Variants in SDK2 observed in about 807,000 individuals in gnomAD.
The protein encoded by SDK2 is protein sidekick-2.
SDK2 carries 105 observed loss-of-function variants against 253.9 expected under a neutral mutation model. The observed-to-expected ratio is 0.41, with a 90% CI of 0.35 to 0.49. SDK2 has a LOEUF of 0.49. Among genes scored for constraint, SDK2 ranks in the 20% least tolerant of loss-of-function variants. The pLI is 0.06. For missense variants in SDK2, 2,608 were observed against 3,003.0 expected, an observed-to-expected ratio of 0.87 and a Z score of 3.07; for synonymous variants, 1,249 against 1,234.9, an observed-to-expected ratio of 1.01 and a Z score of -0.24.
intron 32 of SDK2, among the ~76,000 whole-genome samples, chr17:73,385,268 G>A (rs890363666): frequency 5.9e-5 from 9 of 152,226 alleles, no homozygotes; most frequent in African/African-American, 2.2e-4. Context: ...CCTGGTCGCT[G>A]AGGTTTGCCC....
chr17:73,497,961 T>C (rs1003450183), intron 2 of SDK2, among the ~76,000 whole-genome samples: 3 of 152,162 alleles, frequency 2.0e-5, no homozygotes, highest in Non-Finnish European at 4.4e-5. Context: ...ACCATTCCTT[T>C]GGCATCCCCC....
chr17:73,505,636 C>T (rs1333486140), intron 2 of SDK2, among the ~76,000 whole-genome samples: 1 of 150,498 alleles, frequency 6.6e-6, no homozygotes, highest in East Asian at 2.0e-4. Flanking sequence ...AGCTGGACCT[C>T]ATCATCATCA....
rs2046086014 is a variant in SDK2, at chr17:73,618,298, G to A, written c.64+25727C>T. Among the ~76,000 whole-genome samples the A allele has an allele frequency of 6.6e-6, 1 of 152,154 alleles. No individual in the cohort carries two copies. Among genetic ancestry groups the A allele is most frequent in the Admixed American group, 6.5e-5 (1 of 15,274 alleles). ...TTTTATGTTTTGCTTCTGGCTTGGG[G>A]CAGAAATGGCCGTTCATGCCAACTG... is the stretch of plus-strand genomic sequence containing the variant. On this transcript the variant is annotated intron_variant, in intron 1 of 44. Transcript: ENST00000392650. The surrounding 1 kb of genome is among the most constrained non-coding windows in gnomAD (Gnocchi z 4.1).
chr17:73,577,738 C>T (rs1003382181), intron 1 of SDK2, among the ~76,000 whole-genome samples: 3 of 152,166 alleles, frequency 2.0e-5, no homozygotes, highest in Non-Finnish European at 2.9e-5. Flanking sequence ...AGTTTCCTCA[C>T]GTGTAAAATA....
chr17:73,420,859 A>G (rs1475871582), intron 15 of SDK2, among the ~76,000 whole-genome samples: 2 of 151,524 alleles, frequency 1.3e-5, no homozygotes, highest in East Asian at 3.9e-4. Context: ...TATTTTTAGT[A>G]GAGATGGGGT....
chr17:73,442,979 T>C (rs955979755), intron 5 of SDK2, among the ~76,000 whole-genome samples: 1 of 152,102 alleles, frequency 6.6e-6, no homozygotes, highest in Non-Finnish European at 1.5e-5. Flanking sequence ...TCCAATATTC[T>C]GTGTATGCCT....
rs79125057 is a variant in SDK2 at position 73,382,404 on chromosome 17, C to T, written c.4706-1454G>A. Among the ~76,000 whole-genome samples, 771 of 152,224 alleles carry T rather than the reference C, an allele frequency of 5.1e-3. 7 individuals are homozygous for T. Among genetic ancestry groups the T allele is most frequent in the African/African-American group, 0.018 (749 of 41,538 alleles). ...TAGAGGATATTTAGGGAAGGAGGCT[C>T]TTTATAAAAATCTCTAGTGGTCTGA... On this transcript the variant is annotated intron_variant, in intron 33 of 44. Coordinates refer to ENST00000392650, the MANE Select transcript of SDK2 (RefSeq NM_001144952.2).
chr17:73,424,170 G>T, intron 12 of SDK2, 78 bp from the exon 13 acceptor site: 1 of 1,243,672 alleles, frequency 8.0e-7, no homozygotes, highest in East Asian at 2.5e-5. Flanking sequence ...AGCTTGTCCC[G>T]AGAAAATAGC....
At chr17:73,607,757 C>G (rs1175634093) in intron 1 of SDK2, among the ~76,000 whole-genome samples, 6 of 152,018 alleles carry the variant, frequency 3.9e-5, no homozygotes, top group Admixed American at 2.6e-4. Flanking sequence ...ATCTCGGGGA[C>G]CTCCTAAGCT....
intron 38 of SDK2, among the ~76,000 whole-genome samples, chr17:73,362,630 A>G (rs1319680653): frequency 6.6e-6 from 1 of 151,934 alleles, no homozygotes; most frequent in Non-Finnish European, 1.5e-5. Context: ...GCCTCAAGTG[A>G]TCCTCCCACC....
chr17:73,373,845 C>T (rs1390507918), intron 36 of SDK2, among the ~76,000 whole-genome samples: 2 of 151,562 alleles, frequency 1.3e-5, no homozygotes, highest in Non-Finnish European at 2.9e-5. Flanking sequence ...CCATGTTGGC[C>T]AGGCTGGTCT....
Position 73,467,933 on chromosome 17 carries a change from C to G in SDK2, c.331+4179G>C, listed in dbSNP as rs942926483. Among the ~76,000 whole-genome samples, 1 of 152,188 alleles carries G rather than the reference C, an allele frequency of 6.6e-6. No homozygotes were observed. The highest frequency in any genetic ancestry group is 1.5e-5 in the Non-Finnish European group (1 of 68,028). ...ACCTGGGTCTCTCTCTCTGCTCCCC[C>G]TTCAGCCACTCCAAGGTGTCCTATT... On this transcript the variant is annotated intron_variant, in intron 3 of 44. Coordinates refer to ENST00000392650, the MANE Select transcript of SDK2 (RefSeq NM_001144952.2). This position sits in a 1 kb window ranked among gnomAD's most constrained non-coding sequence, Gnocchi z 4.1.
intron 1 of SDK2, among the ~76,000 whole-genome samples, chr17:73,586,610 G>A (rs1431873579): frequency 6.6e-6 from 1 of 151,462 alleles, no homozygotes; most frequent in Non-Finnish European, 1.5e-5. Context: ...CAGGGGGTGG[G>A]TGGGTGGTCT....
At chr17:73,474,739 G>T (rs927650818) in intron 2 of SDK2, among the ~76,000 whole-genome samples, 1 of 152,176 alleles carries the variant, frequency 6.6e-6, no homozygotes, top group African/African-American at 2.4e-5. Context: ...CCACTGTGGG[G>T]GAACTGTCTG....
intron 1 of SDK2, among the ~76,000 whole-genome samples, chr17:73,640,482 T>C (rs1386746168): frequency 6.6e-6 from 1 of 151,926 alleles, no homozygotes; most frequent in Non-Finnish European, 1.5e-5. Context: ...AAGAGGGGCA[T>C]GGGAGAGCAG....
intron 2 of SDK2, among the ~76,000 whole-genome samples, chr17:73,484,761 C>T (rs2063759740): frequency 6.6e-6 from 1 of 152,242 alleles, no homozygotes; most frequent in African/African-American, 2.4e-5. Flanking sequence ...AGCCACATCA[C>T]TCCAATCTCT....
chr17:73,412,045 T>TAC (rs2063136491), intron 18 of SDK2, among the ~76,000 whole-genome samples: 2 of 4,872 alleles, frequency 4.1e-4, no homozygotes, highest in South Asian at 5.6e-3. Flanking sequence ...CGTATATATA[T>TAC]GTATATACGT....
intron 18 of SDK2, among the ~76,000 whole-genome samples, chr17:73,406,787 T>C (rs1388593138): frequency 1.3e-5 from 2 of 152,194 alleles, no homozygotes; most frequent in African/African-American, 4.8e-5. Context: ...AGTATTGAGC[T>C]GTGGTAAAAT....
At chr17:73,351,195 C>T (rs2062535338) in intron 41 of SDK2, among the ~76,000 whole-genome samples, 1 of 151,796 alleles carries the variant, frequency 6.6e-6, no homozygotes, top group Admixed American at 6.6e-5. Flanking sequence ...CTGCAACCTC[C>T]ACTTCCCGGG....
Sources: allele counts gnomAD v4.1 joint callset (sites outside exome capture counted in the v4.1 genomes callset), GRCh38; gene constraint gnomAD v4.1.1; non-coding constraint Gnocchi (gnomAD v3.1); transcripts MANE v1.5; gene names NCBI Gene and HGNC (gene_info 2026-07-23, HGNC 2026-07-21).